Variants in SUMF1 observed in about 807,000 individuals in gnomAD.
SUMF1 encodes the protein formylglycine-generating enzyme.
SUMF1 carries 48 observed loss-of-function variants against 47.6 expected under a neutral mutation model. The observed-to-expected ratio is 1.01, with a 90% CI of 0.80 to 1.28. The LOEUF (loss-of-function observed/expected upper bound fraction) is 1.28, where lower values mean the gene tolerates loss of function less well. Among genes scored for constraint, SUMF1 ranks in the 50% most tolerant of loss-of-function variants. SUMF1 has a pLI of 0.00. For synonymous variants in SUMF1, 230 were observed against 192.1 expected, an observed-to-expected ratio of 1.20 and a Z score of -1.63; for missense variants, 571 against 485.4, an observed-to-expected ratio of 1.18 and a Z score of -1.66.
intron 7 of SUMF1, among the ~76,000 whole-genome samples, chr3:4,399,103 G>T (rs2124963812): frequency 6.6e-6 from 1 of 152,220 alleles, no homozygotes; most frequent in African/African-American, 2.4e-5. Context: ...AGAGGGGGCG[G>T]AGGGATGGGG....
chr3:4,172,149 A>G (rs985390759), intron 8 of SUMF1, among the ~76,000 whole-genome samples: 62 of 152,188 alleles, frequency 4.1e-4, no homozygotes, highest in African/African-American at 1.3e-3. Flanking sequence ...TGAAATCTTG[A>G]TTTGATTTCA....
chr3:4,157,245 G>A lies in SUMF1; in HGVS notation c.1015-88500C>T, dbSNP rs78023994. Among the ~76,000 whole-genome samples, 77 of 151,494 alleles carry A rather than the reference G, an allele frequency of 5.1e-4. 1 individual carries two copies. In the East Asian group the frequency reaches 0.013, roughly 26 times the overall value. On this transcript the variant is annotated intron_variant and NMD_transcript_variant, in intron 8 of 12. Coordinates refer to the SUMF1 transcript ENST00000448413. ...ACTTCTCTAGCTCACTCACTGCTGG[G>A]CCAGTTTTTTAGATGTGCTGGTCAT... is the stretch of plus-strand genomic sequence containing the variant.
rs938369354 is a variant in SUMF1, at chr3:4,463,593, T to C, written c.270+3383A>G. Among the ~76,000 whole-genome samples the C allele has an allele frequency of 5.3e-5, 8 of 152,166 alleles. No individual in the cohort carries two copies. In the South Asian group the frequency reaches 8.3e-4, roughly 16 times the overall value. On this transcript the variant is annotated intron_variant, in intron 1 of 8. Transcript: ENST00000272902. ...AAATAAGCTATGGGAACTGAGAGGA[T>C]AGAAAAACTACTTCTTTGTAGGAGG...
chr3:4,237,998 T>C (rs1229017278), intron 8 of SUMF1, among the ~76,000 whole-genome samples: 2 of 152,126 alleles, frequency 1.3e-5, no homozygotes, highest in Non-Finnish European at 2.9e-5. Flanking sequence ...TTCTCATTGT[T>C]CAACTCCCAC....
chr3:4,420,059 C>T lies in SUMF1; in HGVS notation c.602+5G>A. The T allele has an allele frequency of 6.2e-7, 1 of 1,613,790 alleles. No homozygotes were observed. Among genetic ancestry groups the T allele is most frequent in the Non-Finnish European group, 8.5e-7 (1 of 1,179,710 alleles). On this transcript the variant is annotated splice_donor_5th_base_variant and intron_variant, in intron 4 of 8. Transcript: ENST00000272902. ...GTCAACTGGGGAAAGAGGGACCAGC[C>T]TCACCTGTGCAGAATAGTAGAGTCA...
chr3:4,042,461 T>C (rs1694925723), intron 9 of SUMF1, among the ~76,000 whole-genome samples: 1 of 152,212 alleles, frequency 6.6e-6, no homozygotes. Flanking sequence ...CACAACCTTG[T>C]ACAAAGACCA....
chr3:4,328,408 A>G (rs1205437101), intron 8 of SUMF1, among the ~76,000 whole-genome samples: 1 of 152,200 alleles, frequency 6.6e-6, no homozygotes, highest in African/African-American at 2.4e-5. Context: ...TTTATAAAGA[A>G]AAAGAGGTTT....
chr3:4,163,759 T>C (rs1301555589), intron 8 of SUMF1, among the ~76,000 whole-genome samples: 1 of 152,096 alleles, frequency 6.6e-6, no homozygotes, highest in South Asian at 2.1e-4. Context: ...GTCCACATCA[T>C]AAAGGGAGAT....
intron 8 of SUMF1, among the ~76,000 whole-genome samples, chr3:4,319,178 T>C: frequency 6.6e-6 from 1 of 152,222 alleles, no homozygotes; most frequent in East Asian, 1.9e-4. Flanking sequence ...TGGTACAGCC[T>C]CTTTAGAAGA....
intron 9 of SUMF1, among the ~76,000 whole-genome samples, chr3:4,050,610 G>A (rs1249906535): frequency 6.6e-6 from 1 of 151,420 alleles, no homozygotes; most frequent in Non-Finnish European, 1.5e-5. Context: ...AGGTGTGTTG[G>A]CACACACCTG....
At chr3:4,440,683 G>A (rs892632435) in intron 3 of SUMF1, among the ~76,000 whole-genome samples, 31 of 152,202 alleles carry the variant, frequency 2.0e-4, no homozygotes, top group Admixed American at 8.5e-4. Flanking sequence ...AAAGATGCTT[G>A]GTAATTCTCA....
chr3:4,456,660 A>ATATATATATATACGTG (rs1225045515), intron 1 of SUMF1, among the ~76,000 whole-genome samples: 13 of 142,222 alleles, frequency 9.1e-5, no homozygotes, highest in African/African-American at 3.5e-4. Flanking sequence ...ATGTGTGTGT[A>ATATATATATATACGTG]TATATATATA....
chr3:4,375,022 G>C (rs1700280931), intron 8 of SUMF1, among the ~76,000 whole-genome samples: 1 of 150,278 alleles, frequency 6.7e-6, no homozygotes, highest in Non-Finnish European at 1.5e-5. Context: ...AATTAGCCAA[G>C]TTACTTAGGA....
chr3:4,242,398 T>C (rs974387949), intron 8 of SUMF1, among the ~76,000 whole-genome samples: 2 of 152,184 alleles, frequency 1.3e-5, no homozygotes, highest in Admixed American at 6.5e-5. Flanking sequence ...TTCAGTATGA[T>C]ACTGGCTGTG....
intron 8 of SUMF1, among the ~76,000 whole-genome samples, chr3:4,106,577 G>A (rs755930126): frequency 5.9e-5 from 9 of 152,048 alleles, no homozygotes; most frequent in East Asian, 3.9e-4. Context: ...CTTTTCCAAC[G>A]TAAACAAAGA....
intron 8 of SUMF1, among the ~76,000 whole-genome samples, chr3:4,326,172 C>A (rs894363528): frequency 1.3e-5 from 2 of 152,176 alleles, no homozygotes; most frequent in African/African-American, 4.8e-5. Context: ...TTACCAAAGA[C>A]AAGTCACAGA....
At chr3:4,051,072 C>A (rs966304335) in intron 9 of SUMF1, among the ~76,000 whole-genome samples, 2 of 150,724 alleles carry the variant, frequency 1.3e-5, no homozygotes. Context: ...CCCTGCAATG[C>A]GAGTACTCAA....
intron 8 of SUMF1, chr3:4,314,114 G>C (rs1157551372): frequency 1.2e-5 from 4 of 337,210 alleles, no homozygotes; most frequent in Admixed American, 4.4e-5. Flanking sequence ...AGTCATCCTA[G>C]ACCCCAGGAT....
chr3:4,164,863 G>A (rs1233404528), intron 8 of SUMF1, among the ~76,000 whole-genome samples: 1 of 152,062 alleles, frequency 6.6e-6, no homozygotes, highest in Non-Finnish European at 1.5e-5. Context: ...AGGTGACAGG[G>A]GAGTATATTT....
Sources: allele counts gnomAD v4.1 joint callset (sites outside exome capture counted in the v4.1 genomes callset), GRCh38; gene constraint gnomAD v4.1.1; transcripts MANE v1.5; gene names NCBI Gene and HGNC (gene_info 2026-07-23, HGNC 2026-07-21).